The following PPP1R1C variants were observed in gnomAD, a reference collection of about 807,000 sequenced individuals.
PPP1R1C encodes protein phosphatase 1 regulatory subunit 1C.
PPP1R1C carries 15 observed loss-of-function variants against 17.4 expected under a neutral mutation model. The observed-to-expected ratio is 0.86, with a 90% CI of 0.58 to 1.33. The LOEUF is 1.33. Ranked by LOEUF, PPP1R1C falls within the 40% of genes most tolerant of loss-of-function variation. The pLI, the probability that PPP1R1C is intolerant of heterozygous loss-of-function variation, is 0.00. For synonymous variants in PPP1R1C, 35 were observed against 43.1 expected (o/e 0.81, Z 0.73); for missense variants, 143 against 130.0 (o/e 1.10, Z -0.48).
intron 2 of PPP1R1C, among the ~76,000 whole-genome samples, chr2:182,014,088 G>A (rs1406924527): frequency 1.3e-5 from 2 of 152,146 alleles, no homozygotes; most frequent in Non-Finnish European, 2.9e-5. Context: ...TGGTCTTGAT[G>A]TTTGTTCATA....
At chr2:181,958,514 T>A (rs1336276547) in intron 1 of PPP1R1C, among the ~76,000 whole-genome samples, 3 of 152,224 alleles carry the variant, frequency 2.0e-5, no homozygotes, top group Non-Finnish European at 4.4e-5. Flanking sequence ...TGCAATGGCA[T>A]GAACTTAAGA....
intron 4 of PPP1R1C, among the ~76,000 whole-genome samples, chr2:182,101,716 A>G (rs1165362446): frequency 2.0e-5 from 3 of 152,194 alleles, no homozygotes; most frequent in African/African-American, 4.8e-5. Context: ...GTGTGCTGGG[A>G]GCCAGGTGGA....
At chr2:182,033,511 CT>C (rs746783306) in intron 2 of PPP1R1C, among the ~76,000 whole-genome samples, 1 of 152,120 alleles carries the variant, frequency 6.6e-6, no homozygotes, top group Non-Finnish European at 1.5e-5. Flanking sequence ...GTTATGTATT[CT>C]TTAAAAACCA....
chr2:182,003,550 T>C (rs764190300), intron 2 of PPP1R1C, among the ~76,000 whole-genome samples: 2 of 152,070 alleles, frequency 1.3e-5, no homozygotes, highest in Non-Finnish European at 2.9e-5. Context: ...GCTGAAAAAA[T>C]ATCACTAAGT....
At chr2:181,963,453 A>G (rs1684846025) in intron 1 of PPP1R1C, among the ~76,000 whole-genome samples, 1 of 152,184 alleles carries the variant, frequency 6.6e-6, no homozygotes, top group South Asian at 2.1e-4. Flanking sequence ...AGCCTGGCCA[A>G]CATGGTGAAA....
At chr2:182,051,454 G>T (rs1407694856) in intron 2 of PPP1R1C, among the ~76,000 whole-genome samples, 2 of 152,084 alleles carry the variant, frequency 1.3e-5, no homozygotes, top group Non-Finnish European at 2.9e-5. Flanking sequence ...GCTTAGCCAT[G>T]GTTTTTTTCT....
intron 2 of PPP1R1C, among the ~76,000 whole-genome samples, chr2:182,004,416 G>A (rs960304317): frequency 2.0e-5 from 3 of 152,128 alleles, no homozygotes; most frequent in Admixed American, 6.5e-5. Flanking sequence ...CAGAAATATA[G>A]GATGGTTTAA....
chr2:182,123,594 T>C (rs1689791102), intron 5 of PPP1R1C, among the ~76,000 whole-genome samples: 1 of 152,258 alleles, frequency 6.6e-6, no homozygotes, highest in African/African-American at 2.4e-5. Flanking sequence ...TGCATTTCTC[T>C]AGTGACCAGT....
At chr2:182,028,071 T>A (rs1686680889) in intron 2 of PPP1R1C, among the ~76,000 whole-genome samples, 1 of 135,602 alleles carries the variant, frequency 7.4e-6, no homozygotes, top group East Asian at 2.1e-4. Flanking sequence ...CCTTTATCAT[T>A]TTTTATTGTG....
chr2:182,114,665 C>T (rs964609049), intron 4 of PPP1R1C, among the ~76,000 whole-genome samples: 7 of 152,142 alleles, frequency 4.6e-5, no homozygotes, highest in Admixed American at 6.5e-5. Context: ...TCAAAGAATT[C>T]GTGGTAGATA....
At chr2:182,023,283 C>G (rs1686486130) in intron 2 of PPP1R1C, among the ~76,000 whole-genome samples, 1 of 151,698 alleles carries the variant, frequency 6.6e-6, no homozygotes, top group Non-Finnish European at 1.5e-5. Flanking sequence ...AAAGAATATA[C>G]CAAAATGGTA....
At chr2:182,050,242 C>T (rs1472481826) in intron 2 of PPP1R1C, among the ~76,000 whole-genome samples, 3 of 152,212 alleles carry the variant, frequency 2.0e-5, no homozygotes, top group Non-Finnish European at 1.5e-5. Context: ...ATAGTTTCTA[C>T]TCAGTTTTCT....
chr2:181,961,832 G>C lies in PPP1R1C; in HGVS notation n.111+7198G>C. 9.7e-7 allele frequency: 1 copy of C among 1,031,330 alleles called. No homozygotes were observed. The highest frequency in any genetic ancestry group is 1.5e-6 in the Non-Finnish European group (1 of 660,082). The allele number at this position is 1,031,330 out of a possible 1,614,324, so 63.9% of individuals were successfully genotyped here. On this transcript the variant is annotated intron_variant and non_coding_transcript_variant, in intron 1 of 5. Transcript: ENST00000464264. This position sits in a 1 kb window ranked among gnomAD's most constrained non-coding sequence, Gnocchi z 5.8. ...TGTAGGCCTTTTACTTCCTCTTCGT[G>C]GTTCTTCTTCATGAAGAGCAGCTCC...
intron 2 of PPP1R1C, among the ~76,000 whole-genome samples, chr2:182,050,207 C>T (rs1008372970): frequency 6.6e-6 from 1 of 152,160 alleles, no homozygotes; most frequent in Admixed American, 6.6e-5. Context: ...TGTTTACTTT[C>T]CTAGTTTTAT....
chr2:182,092,108 G>A (rs1380683943), intron 4 of PPP1R1C, among the ~76,000 whole-genome samples: 5 of 152,120 alleles, frequency 3.3e-5, no homozygotes, highest in South Asian at 2.1e-4. Flanking sequence ...GTATTAGTCC[G>A]TTTTCATGCT....
chr2:182,063,611 A>G (rs1014052626), intron 3 of PPP1R1C, 120 bp from the exon 4 acceptor site: 1 of 769,210 alleles, frequency 1.3e-6, no homozygotes, highest in Admixed American at 2.0e-5. Context: ...CTATTTCATG[A>G]CAGGGAGAAA....
intron 2 of PPP1R1C, among the ~76,000 whole-genome samples, chr2:182,019,448 TTAG>T (rs1164479265): frequency 6.6e-6 from 1 of 152,208 alleles, no homozygotes; most frequent in African/African-American, 2.4e-5. Context: ...ACGTATTTTC[TTAG>T]TTGGTGGCCA....
chr2:182,078,389 C>G (rs1412833725), intron 4 of PPP1R1C, among the ~76,000 whole-genome samples: 1 of 152,012 alleles, frequency 6.6e-6, no homozygotes, highest in African/African-American at 2.4e-5. Context: ...TTTTTCAGGA[C>G]AACCGTAACC....
chr2:181,984,967 C>A (rs980728105), upstream of PPP1R1C, among the ~76,000 whole-genome samples: 1 of 152,142 alleles, frequency 6.6e-6, no homozygotes, highest in African/African-American at 2.4e-5. Flanking sequence ...CCCACTGTTC[C>A]CTGACCACTA....
Sources: gnomAD v4.1 joint callset for allele counts (sites outside exome capture counted in the v4.1 genomes callset) on GRCh38, gnomAD v4.1.1 for gene constraint, Gnocchi (gnomAD v3.1) non-coding constraint, MANE v1.5 for transcripts, NCBI Gene and HGNC (gene_info 2026-07-23, HGNC 2026-07-21) for gene names.